Variants in CAMTA1 observed in about 807,000 individuals in gnomAD.
CAMTA1 encodes calmodulin-binding transcription activator 1.
CAMTA1 carries 27 observed loss-of-function variants against 170.9 expected under a neutral mutation model. The observed-to-expected ratio is 0.16, with a 90% CI of 0.12 to 0.22. CAMTA1 has a LOEUF of 0.22. Among genes scored for constraint, CAMTA1 ranks in the 10% least tolerant of loss-of-function variants. CAMTA1 has a pLI of 1.00. For synonymous variants in CAMTA1, 833 were observed against 891.5 expected, an observed-to-expected ratio of 0.93 and a Z score of 1.17; for missense variants, 1,619 against 2,217.2, an observed-to-expected ratio of 0.73 and a Z score of 5.42.
At chr1:7,152,107 T>C (rs1435662419) in intron 4 of CAMTA1, among the ~76,000 whole-genome samples, 1 of 152,248 alleles carries the variant, frequency 6.6e-6, no homozygotes, top group African/African-American at 2.4e-5. Flanking sequence ...GTTATGATTC[T>C]GTCTGAAGTG....
intron 3 of CAMTA1, among the ~76,000 whole-genome samples, chr1:6,853,468 G>A (rs917121076): frequency 3.3e-5 from 5 of 152,154 alleles, no homozygotes; most frequent in Admixed American, 2.0e-4. Context: ...AATAGTAACA[G>A]CAGTAGTAGT....
intron 4 of CAMTA1, among the ~76,000 whole-genome samples, chr1:7,172,918 G>A (rs1316999377): frequency 1.3e-5 from 2 of 152,218 alleles, no homozygotes; most frequent in African/African-American, 4.8e-5. Flanking sequence ...GCAGCCAAGT[G>A]TTTAATGATG....
intron 5 of CAMTA1, among the ~76,000 whole-genome samples, chr1:7,340,529 A>G (rs909460418): frequency 9.1e-4 from 93 of 102,632 alleles, no homozygotes; most frequent in African/African-American, 3.6e-3. Flanking sequence ...TGAGCAGCTA[A>G]TGTGCTGCCT....
intron 6 of CAMTA1, among the ~76,000 whole-genome samples, chr1:7,600,540 A>G (rs1174823640): frequency 7.8e-6 from 1 of 127,804 alleles, no homozygotes; most frequent in Non-Finnish European, 1.6e-5. Context: ...GCAGAGGGGG[A>G]TTTGGCAGGG....
At chr1:7,109,012 CT>C (rs1270774785) in intron 4 of CAMTA1, among the ~76,000 whole-genome samples, 1 of 152,224 alleles carries the variant, frequency 6.6e-6, no homozygotes, top group East Asian at 1.9e-4. Context: ...GGCTGAACTC[CT>C]TTCTAGCTGT....
intron 3 of CAMTA1, among the ~76,000 whole-genome samples, chr1:6,825,673 A>C (rs1647020739): frequency 6.6e-6 from 1 of 152,200 alleles, no homozygotes; most frequent in Non-Finnish European, 1.5e-5. Flanking sequence ...CTAATGAAGA[A>C]AGTTTGCTTA....
At position 7,565,640 on chromosome 1, in the gene CAMTA1, C is replaced by T. The variant is rs2095031371; in HGVS notation, c.511-74760C>T. ...GCCAGGTCCTGCTCCTTTGGGGAGG[C>T]TGCCTGGGGGCCTCAGCCATACTGT... On this transcript the variant is annotated intron_variant, in intron 6 of 22. Coordinates refer to ENST00000303635, the MANE Select transcript of CAMTA1 (RefSeq NM_015215.4). This position sits in a 1 kb window ranked among gnomAD's most constrained non-coding sequence, Gnocchi z 4.5. Among the ~76,000 whole-genome samples, 1 of 152,154 alleles carries T rather than the reference C, an allele frequency of 6.6e-6. No homozygotes were observed. Among genetic ancestry groups the T allele is most frequent in the Non-Finnish European group, 1.5e-5 (1 of 68,008 alleles).
At chr1:7,264,039 G>A (rs1668546788) in intron 5 of CAMTA1, among the ~76,000 whole-genome samples, 1 of 152,216 alleles carries the variant, frequency 6.6e-6, no homozygotes, top group African/African-American at 2.4e-5. Flanking sequence ...AGATGAACTT[G>A]GGGGTCAGCT....
chr1:7,632,683 G>C (rs1347098558), intron 6 of CAMTA1, among the ~76,000 whole-genome samples: 2 of 152,244 alleles, frequency 1.3e-5, no homozygotes, highest in African/African-American at 2.4e-5. Flanking sequence ...AGGGCGGTGG[G>C]ACCCTGCTGC....
At chr1:6,804,176 CTTTTTTTT>C (rs889875577) in intron 1 of CAMTA1, among the ~76,000 whole-genome samples, 6 of 116,470 alleles carry the variant, frequency 5.2e-5, no homozygotes, top group South Asian at 3.0e-4. Context: ...GAGCGAAACT[CTTTTTTTT>C]TTTTTTTTTT....
chr1:7,338,859 G>A (rs778096029), intron 5 of CAMTA1, among the ~76,000 whole-genome samples: 36 of 152,188 alleles, frequency 2.4e-4, no homozygotes, highest in Admixed American at 2.2e-3. Flanking sequence ...AATCTATAAC[G>A]AAAAGAGGTT....
chr1:7,197,160 G>C (rs1358622877), intron 4 of CAMTA1, among the ~76,000 whole-genome samples: 4 of 152,232 alleles, frequency 2.6e-5, no homozygotes, highest in Non-Finnish European at 4.4e-5. Flanking sequence ...CACTCTGGAA[G>C]TGTACATTTC....
At chr1:7,015,517 T>A (rs770356320) in intron 3 of CAMTA1, among the ~76,000 whole-genome samples, 128 of 152,332 alleles carry the variant, frequency 8.4e-4, no homozygotes, top group Non-Finnish European at 1.4e-3. Flanking sequence ...TTTTTCAGTT[T>A]AAAAAATTTT....
At chr1:6,898,278 G>T (rs1486990854) in intron 3 of CAMTA1, among the ~76,000 whole-genome samples, 1 of 152,184 alleles carries the variant, frequency 6.6e-6, no homozygotes, top group African/African-American at 2.4e-5. Flanking sequence ...TCTGGGCCGG[G>T]CACGGTGGCT....
chr1:7,543,794 G>GT (rs2094647275), intron 6 of CAMTA1, among the ~76,000 whole-genome samples: 1 of 151,458 alleles, frequency 6.6e-6, no homozygotes, highest in Non-Finnish European at 1.5e-5. Context: ...TCCTCAAAGA[G>GT]TGTGTTTATG....
At chr1:7,422,005 C>T (rs927937738) in intron 5 of CAMTA1, among the ~76,000 whole-genome samples, 2 of 152,078 alleles carry the variant, frequency 1.3e-5, no homozygotes, top group Admixed American at 1.3e-4. Flanking sequence ...CTCCAGCATT[C>T]CTCATCACCT....
chr1:6,864,567 G>T (rs1381735846), intron 3 of CAMTA1, among the ~76,000 whole-genome samples: 1 of 152,132 alleles, frequency 6.6e-6, no homozygotes, highest in East Asian at 1.9e-4. Context: ...AGCCCCTCTC[G>T]CCTTGTCCTC....
intron 5 of CAMTA1, among the ~76,000 whole-genome samples, chr1:7,410,069 G>A (rs1427959015): frequency 6.6e-6 from 1 of 152,234 alleles, no homozygotes; most frequent in Non-Finnish European, 1.5e-5. Context: ...AGCAAAGGAT[G>A]TGGCTGGAGG....
rs190405767 is a variant in CAMTA1 at position 7,205,612 on chromosome 1, A to G, written c.303-43879A>G. Among the ~76,000 whole-genome samples the G allele has an allele frequency of 5.0e-3, 763 of 152,146 alleles. 15 individuals are homozygous for G. Among genetic ancestry groups the G allele is most frequent in the Admixed American group, 0.039 (595 of 15,290 alleles). Reference sequence around the variant, plus strand: ...TATCTGACATGGTATAACAACTCCAACTTTGTGTTTGCATGACATATTTAT... The same window carrying G: ...TATCTGACATGGTATAACAACTCCAGCTTTGTGTTTGCATGACATATTTAT... On this transcript the variant is annotated intron_variant, in intron 4 of 22. Coordinates refer to ENST00000303635, the MANE Select transcript of CAMTA1 (RefSeq NM_015215.4).
Sources: gnomAD v4.1 joint callset for allele counts (sites outside exome capture counted in the v4.1 genomes callset) on GRCh38, gnomAD v4.1.1 for gene constraint, Gnocchi (gnomAD v3.1) non-coding constraint, MANE v1.5 for transcripts, NCBI Gene and HGNC (gene_info 2026-07-23, HGNC 2026-07-21) for gene names.